Variants in RFX3 observed in about 807,000 individuals in gnomAD.
RFX3 encodes regulatory factor X3.
In RFX3, 14 loss-of-function variants were observed where a neutral mutation model predicts 98.6. The ratio of observed to expected loss-of-function variants is 0.14; its 90% CI spans 0.09 to 0.22. The LOEUF (loss-of-function observed/expected upper bound fraction) is 0.22, where lower values mean the gene tolerates loss of function less well. RFX3 is among the 10% of genes least tolerant of loss of function. RFX3 has a pLI of 1.00. For synonymous variants in RFX3, 383 were observed against 328.4 expected (o/e 1.17, Z -1.80); for missense variants, 639 against 926.9 (o/e 0.69, Z 4.03).
rs1179585869 is a variant in RFX3, at chr9:3,224,881, TGGCAAAATACATACACCCATTC to T, written c.*139_*160del. On this transcript the variant is annotated 3_prime_UTR_variant, in exon 17 of 17. Coordinates refer to ENST00000617270, the MANE Select transcript of RFX3 (RefSeq NM_001282116.2). Reference sequence around the variant, plus strand: ...TTTGTTTACGTTAAAAAAAAAGATCTGGCAAAATACATACACCCATTCCATTTCACAACTCCAAAAAGTTAAT... The same window carrying T: ...TTTGTTTACGTTAAAAAAAAAGATCTCATTTCACAACTCCAAAAAGTTAAT... 1.7e-5 allele frequency: 10 copies of T among 599,404 alleles called. No individual in the cohort carries two copies. Among genetic ancestry groups the T allele is most frequent in the Non-Finnish European group, 2.8e-5 (10 of 361,008 alleles). 37.1% of individuals were successfully genotyped at this position (599,404 alleles called of 1,614,324 possible).
At chr9:3,315,637 T>C (rs1293607367) in intron 4 of RFX3, among the ~76,000 whole-genome samples, 1 of 151,624 alleles carries the variant, frequency 6.6e-6, no homozygotes, top group Non-Finnish European at 1.5e-5. Context: ...GCAAGACTAA[T>C]AAAGAAGAAA....
chr9:3,306,053 T>C (rs1038814202), intron 4 of RFX3, among the ~76,000 whole-genome samples: 4 of 152,082 alleles, frequency 2.6e-5, no homozygotes, highest in Non-Finnish European at 5.9e-5. Context: ...GAAATATACG[T>C]AACACTAAAT....
At position 3,354,808 on chromosome 9, in the gene RFX3, AT is replaced by A. The variant is rs1326937302; in HGVS notation, c.118-8045del. Among the ~76,000 whole-genome samples, 5 of 151,910 alleles carry A rather than the reference AT, an allele frequency of 3.3e-5. No homozygotes were observed. The East Asian group carries it at 9.7e-4, about 29-fold the overall frequency. On this transcript the variant is annotated intron_variant, in intron 2 of 16. Transcript: ENST00000617270. ...ATAAATTTTTAGGTAAGTTATAGGG[AT>A]TTTTTGTTTTCTTATCTTTTACTTT...
At chr9:3,322,245 T>C (rs948178871) in intron 4 of RFX3, among the ~76,000 whole-genome samples, 1 of 152,198 alleles carries the variant, frequency 6.6e-6, no homozygotes, top group Non-Finnish European at 1.5e-5. Flanking sequence ...TATCCAAGAA[T>C]ATGGTATGCC....
chr9:3,366,689 C>CT (rs1412663306), intron 2 of RFX3, among the ~76,000 whole-genome samples: 1,353 of 104,692 alleles, frequency 0.013, 13 homozygotes, highest in Middle Eastern at 0.022. Flanking sequence ...TTTCTTCTTT[C>CT]TTTCCTTTCT....
At chr9:3,524,878 C>CAA (rs1467119557) in intron 1 of RFX3, among the ~76,000 whole-genome samples, 1 of 113,904 alleles carries the variant, frequency 8.8e-6, no homozygotes, top group Non-Finnish European at 1.8e-5. Flanking sequence ...CACACACACA[C>CAA]CAAAGAAGAG....
intron 1 of RFX3, chr9:3,421,034 A>AAC (rs1013517662): frequency 1.8e-6 from 1 of 545,872 alleles, no homozygotes; most frequent in African/African-American, 2.1e-5. Flanking sequence ...AAAAAAAAAA[A>AAC]AACAAGAAGG....
intron 1 of RFX3, among the ~76,000 whole-genome samples, chr9:3,514,760 T>A (rs1387726599): frequency 6.6e-6 from 1 of 152,222 alleles, no homozygotes; most frequent in Non-Finnish European, 1.5e-5. Context: ...AAAATGCTCC[T>A]AAGACACATG....
intron 2 of RFX3, among the ~76,000 whole-genome samples, chr9:3,366,706 C>CTTTCT (rs749803613): frequency 2.3e-5 from 2 of 88,716 alleles, no homozygotes; most frequent in Admixed American, 2.4e-4. Flanking sequence ...TTCTTTCTTT[C>CTTTCT]TTTCTTTCTT....
chr9:3,320,372 G>A (rs894715600), intron 4 of RFX3, among the ~76,000 whole-genome samples: 4 of 151,878 alleles, frequency 2.6e-5, no homozygotes, highest in African/African-American at 9.7e-5. Flanking sequence ...GGCCAAAACA[G>A]GGAAACCCCA....
chr9:3,395,696 A>C (rs1395439869), intron 1 of RFX3, 100 bp from the exon 2 acceptor site: 7 of 1,236,422 alleles, frequency 5.7e-6, no homozygotes, highest in Non-Finnish European at 8.0e-6. Context: ...ACTAACTTTC[A>C]ACTCTCATAC....
At chr9:3,455,345 T>C (rs907040875) in intron 1 of RFX3, among the ~76,000 whole-genome samples, 1 of 152,204 alleles carries the variant, frequency 6.6e-6, no homozygotes, top group African/African-American at 2.4e-5. Context: ...ATGCATATTC[T>C]TTCTTAATTC....
At chr9:3,345,534 T>C (rs1487082219) in intron 3 of RFX3, among the ~76,000 whole-genome samples, 1 of 152,164 alleles carries the variant, frequency 6.6e-6, no homozygotes. Flanking sequence ...GTATCATCTA[T>C]TATTGTACCA....
At chr9:3,468,887 T>C (rs554754005) in intron 1 of RFX3, among the ~76,000 whole-genome samples, 1 of 147,816 alleles carries the variant, frequency 6.8e-6, no homozygotes, top group South Asian at 2.2e-4. Flanking sequence ...ATATTAAACA[T>C]TCTAAAGGGC....
At chr9:3,446,536 C>CA (rs1846068060) in intron 1 of RFX3, among the ~76,000 whole-genome samples, 1 of 151,836 alleles carries the variant, frequency 6.6e-6, no homozygotes, top group African/African-American at 2.4e-5. Context: ...CAAAACTATT[C>CA]AGAGATTTTA....
chr9:3,280,684 T>C (rs1825815989), intron 7 of RFX3, among the ~76,000 whole-genome samples: 1 of 151,746 alleles, frequency 6.6e-6, no homozygotes, highest in African/African-American at 2.4e-5. Context: ...TCTAAGTGCA[T>C]ATCAATATCT....
chr9:3,324,920 C>T (rs1483977048), intron 4 of RFX3, among the ~76,000 whole-genome samples: 4 of 151,924 alleles, frequency 2.6e-5, no homozygotes, highest in Non-Finnish European at 4.4e-5. Flanking sequence ...GCCGAGATCA[C>T]GCCACTGCAC....
intron 15 of RFX3, among the ~76,000 whole-genome samples, chr9:3,242,656 A>G (rs1051382526): frequency 7.2e-5 from 11 of 152,144 alleles, no homozygotes; most frequent in African/African-American, 2.2e-4. Flanking sequence ...AAAAGCTTAC[A>G]TGTTCAATTA....
chr9:3,380,425 G>C (rs1425175176), intron 2 of RFX3, among the ~76,000 whole-genome samples: 1 of 152,004 alleles, frequency 6.6e-6, no homozygotes, highest in Non-Finnish European at 1.5e-5. Context: ...CAGTCTCTTT[G>C]ACCTAACATC....
Sources: gnomAD v4.1 joint callset for allele counts (sites outside exome capture counted in the v4.1 genomes callset) on GRCh38, gnomAD v4.1.1 for gene constraint, MANE v1.5 for transcripts, NCBI Gene and HGNC (gene_info 2026-07-23, HGNC 2026-07-21) for gene names.